Variants in MGAM2 observed in about 807,000 individuals in gnomAD.
MGAM2 encodes maltase-glucoamylase 2 (putative).
MGAM2 carries 98 observed loss-of-function variants against 96.1 expected under a neutral mutation model. The observed-to-expected ratio is 1.02, with a 90% CI of 0.87 to 1.21. MGAM2 has a LOEUF of 1.21. Ranked by LOEUF, MGAM2 falls within the 50% of genes most tolerant of loss-of-function variation. MGAM2 has a pLI of 0.00. For missense variants in MGAM2, 2,055 were observed against 1,182.4 expected (o/e 1.74, Z -10.82); for synonymous variants, 749 against 414.8 (o/e 1.81, Z -9.79).
At chr7:142,138,788 G>A (rs1795132776) in intron 10 of MGAM2, 121 bp downstream of exon 10, 1 of 596,684 alleles carries the variant, frequency 1.7e-6, no homozygotes, top group Admixed American at 2.8e-5. Flanking sequence ...AGGCACACTT[G>A]CTGGCAGAAA....
intron 15 of MGAM2, among the ~76,000 whole-genome samples, chr7:142,147,916 A>T (rs916594004): frequency 6.6e-6 from 1 of 152,106 alleles, no homozygotes; most frequent in Non-Finnish European, 1.5e-5. Context: ...AAAATACAGG[A>T]CACCAAATTA....
At position 142,170,257 on chromosome 7, in the gene MGAM2, A is replaced by G. The variant is rs1163675595; in HGVS notation, c.3182+28A>G. The G allele has an allele frequency of 4.4e-6, 3 of 688,572 alleles. No individual in the cohort carries two copies. The African/African-American group carries it at 5.3e-5, about 12-fold the overall frequency. 42.7% of individuals were successfully genotyped at this position (688,572 alleles called of 1,614,324 possible). Reference sequence around the variant, plus strand: ...AAGCACTATTTATTTGATTCTAATTAGAGTAGTTCTAGATTTAATTACAGC... The same window carrying G: ...AAGCACTATTTATTTGATTCTAATTGGAGTAGTTCTAGATTTAATTACAGC... On this transcript the variant is annotated intron_variant, in intron 27 of 47. Transcript: ENST00000477922.
In MGAM2 at chr7:142,167,404, C is replaced by T; in HGVS notation, c.2945C>T (p.Ala982Val). ...LPMAPESAAA[A>V]ASDSLSAKIS... ...ATGGCCCCTGAGTCAGCTGCTGCTGCCGCCTCTGATTCTCTCTCTGCAAAG... is the reference window on the plus strand; with the variant it reads ...ATGGCCCCTGAGTCAGCTGCTGCTGTCGCCTCTGATTCTCTCTCTGCAAAG... The change falls in exon 26 of 48, where the codon GCC becomes GTC. Residue 982 changes from alanine (A) to valine (V), a missense_variant. Transcript: ENST00000477922. 1.4e-6 allele frequency: 1 copy of T among 702,990 alleles called. No homozygotes were observed. Among genetic ancestry groups the T allele is most frequent in the African/African-American group, 1.7e-5 (1 of 57,362 alleles). 43.5% of individuals were successfully genotyped at this position (702,990 alleles called of 1,614,324 possible).
intron 30 of MGAM2, 96 bp downstream of exon 30, chr7:142,172,860 C>T: frequency 1.7e-6 from 1 of 590,376 alleles, no homozygotes; most frequent in African/African-American, 1.9e-5. Context: ...TCTTTTGACT[C>T]TTGAGTGTCA....
In MGAM2 at chr7:142,158,184, C is replaced by T. The variant is rs994701945; in HGVS notation, c.2079-64C>T. 35 of 700,568 alleles carry T rather than the reference C, an allele frequency of 5.0e-5. 1 individual carries two copies. Among genetic ancestry groups the T allele is most frequent in the Middle Eastern group, 2.3e-4 (1 of 4,372 alleles). 43.4% of individuals were successfully genotyped at this position (700,568 alleles called of 1,614,324 possible). On this transcript the variant is annotated intron_variant, in intron 18 of 47. Coordinates refer to ENST00000477922, the MANE Select transcript of MGAM2 (RefSeq NM_001293626.2). ...AAGGTTAGTTAGGATCTTGTTGTTA[C>T]ATAATGTGCCATTGTCCTGTATTAG...
chr7:142,143,740 G>T, intron 12 of MGAM2, 29 bp from the exon 13 acceptor site: 1 of 547,104 alleles, frequency 1.8e-6, no homozygotes, highest in Non-Finnish European at 3.4e-6. Context: ...CAACCAAGCT[G>T]ATTGCCACTG....
chr7:142,147,833 T>A lies in MGAM2; in HGVS notation c.1634+260T>A, dbSNP rs183258732. On this transcript the variant is annotated intron_variant, in intron 15 of 47. Transcript: ENST00000477922. The stretch of plus-strand genomic sequence containing the variant: ...GCAATACTATGTAAGGCATTTAGAG[T>A]CCTCAGCTAGAAGTCAGCTCTTGCT... Among the ~76,000 whole-genome samples the A allele has an allele frequency of 4.3e-4, 65 of 152,182 alleles. No homozygotes were observed. In the East Asian group the frequency reaches 7.7e-3, roughly 18 times the overall value.
intron 23 of MGAM2, among the ~76,000 whole-genome samples, chr7:142,164,466 A>G (rs939105366): frequency 6.6e-6 from 1 of 152,104 alleles, no homozygotes; most frequent in Non-Finnish European, 1.5e-5. Flanking sequence ...TTATTAGTAA[A>G]ATAAAAGGAA....
At chr7:142,201,863 T>G (rs1159979257) in intron 45 of MGAM2, among the ~76,000 whole-genome samples, 3 of 152,334 alleles carry the variant, frequency 2.0e-5, no homozygotes, top group Admixed American at 6.5e-5. Context: ...CAAATAATAA[T>G]GTCAGATTCA....
chr7:142,176,738 A>G (rs1796391092), intron 32 of MGAM2, among the ~76,000 whole-genome samples: 1 of 152,158 alleles, frequency 6.6e-6, no homozygotes, highest in Non-Finnish European at 1.5e-5. Flanking sequence ...CATTGCTATT[A>G]TACTCTGGAA....
At chr7:142,205,189 A>G (rs185391015) in intron 45 of MGAM2, among the ~76,000 whole-genome samples, 1 of 152,206 alleles carries the variant, frequency 6.6e-6, no homozygotes, top group East Asian at 1.9e-4. Context: ...AGTGCTTGGT[A>G]TATATCCATT....
At chr7:142,171,102 G>A in intron 27 of MGAM2, 170 bp from the exon 28 acceptor site, 1 of 656,824 alleles carries the variant, frequency 1.5e-6, no homozygotes, top group Non-Finnish European at 2.8e-6. Flanking sequence ...TGGAACTTTG[G>A]TCCTGAGTCA....
chr7:142,133,040 T>C (rs1794947514), intron 6 of MGAM2, among the ~76,000 whole-genome samples: 1 of 132,932 alleles, frequency 7.5e-6, no homozygotes, highest in South Asian at 2.3e-4. Context: ...TAATTATATT[T>C]AGTTTTAATT....
At chr7:142,175,804 C>T (rs1158618058) in intron 32 of MGAM2, 24 bp downstream of exon 32, 1 of 697,880 alleles carries the variant, frequency 1.4e-6, no homozygotes, top group Non-Finnish European at 2.6e-6. Context: ...CAGATCAGAT[C>T]CTACTTTCTG....
At position 142,159,314 on chromosome 7, in the gene MGAM2, C is replaced by T. The variant is rs1050806797; in HGVS notation, c.2191C>T (p.Pro731Ser). The T allele has an allele frequency of 1.0e-5, 7 of 702,426 alleles. No individual in the cohort carries two copies. In the African/African-American group the frequency reaches 1.0e-4, roughly 11 times the overall value. The allele number at this position is 702,426 out of a possible 1,614,324, so 43.5% of individuals were successfully genotyped here. Residue 731 changes from proline (P) to serine (S), a missense_variant, in exon 20 of 48, where the codon CCT (proline) becomes TCT (serine). By Grantham distance (74) the Pro-to-Ser change is moderately conservative. Coordinates refer to ENST00000477922, the MANE Select transcript of MGAM2 (RefSeq NM_001293626.2). ...EGVDEVKAYI[P>S]DATWYDYETG... ...TGTGGACGAAGTGAAAGCATACATACCTGATGCCACCTGGTATGACTATGA... is the reference window on the plus strand; with the variant it reads ...TGTGGACGAAGTGAAAGCATACATATCTGATGCCACCTGGTATGACTATGA...
chr7:142,169,402 CA>C (rs1796126463), intron 26 of MGAM2, among the ~76,000 whole-genome samples: 1 of 151,892 alleles, frequency 6.6e-6, no homozygotes, highest in African/African-American at 2.4e-5. Flanking sequence ...GAGCTGGCGA[CA>C]GAGTGAGAAT....
intron 32 of MGAM2, among the ~76,000 whole-genome samples, chr7:142,176,921 G>A (rs1163812368): frequency 2.6e-5 from 4 of 152,000 alleles, no homozygotes; most frequent in Non-Finnish European, 5.9e-5. Context: ...TATGTCATTG[G>A]AAAAAATCAC....
chr7:142,168,135 C>A (rs1563271990), intron 26 of MGAM2, among the ~76,000 whole-genome samples: 1 of 152,294 alleles, frequency 6.6e-6, no homozygotes, highest in Admixed American at 6.5e-5. Context: ...TTTTCTCTAG[C>A]AGTAGTTCTC....
chr7:142,177,316 A>C (rs1475997602), intron 32 of MGAM2, among the ~76,000 whole-genome samples: 4 of 152,172 alleles, frequency 2.6e-5, no homozygotes, highest in African/African-American at 9.7e-5. Flanking sequence ...CTTATTTGCT[A>C]TCATGAGAAG....
Sources: allele counts gnomAD v4.1 joint callset (sites outside exome capture counted in the v4.1 genomes callset), GRCh38; gene constraint gnomAD v4.1.1; transcripts MANE v1.5; gene names NCBI Gene and HGNC (gene_info 2026-07-23, HGNC 2026-07-21).